The following SYNE2 variants were observed in gnomAD, a reference collection of about 807,000 sequenced individuals.
SYNE2 encodes the protein nesprin-2.
A neutral mutation model predicts 856.3 loss-of-function variants in SYNE2; 431 were observed. The ratio of observed to expected loss-of-function variants is 0.50; its 90% confidence interval spans 0.47 to 0.55. The LOEUF is 0.55. SYNE2 is among the 20% of genes least tolerant of loss of function. The probability of loss-of-function intolerance (pLI) is 0.00; values close to 1 mark genes in which losing one functional copy is unlikely to be tolerated. For synonymous variants in SYNE2, 2,923 were observed against 2,872.3 expected (o/e 1.02, Z -0.56); for missense variants, 8,129 against 8,023.2 (o/e 1.01, Z -0.50).
intron 1 of SYNE2, among the ~76,000 whole-genome samples, chr14:63,879,390 T>C (rs1383489683): frequency 1.3e-5 from 2 of 152,188 alleles, no homozygotes; most frequent in Admixed American, 6.5e-5. Flanking sequence ...GACTAAGGAC[T>C]CAGGCAGAGA....
chr14:63,940,138 C>T (rs931654046), intron 2 of SYNE2, among the ~76,000 whole-genome samples: 31 of 144,586 alleles, frequency 2.1e-4, no homozygotes, highest in South Asian at 2.0e-3. Context: ...AGTGCAGGGG[C>T]ATGATCACGA....
At chr14:63,765,450 T>A (rs1886637436) in intron 1 of SYNE2, among the ~76,000 whole-genome samples, 1 of 152,172 alleles carries the variant, frequency 6.6e-6, no homozygotes, top group South Asian at 2.1e-4. Flanking sequence ...CCTCCTGGGT[T>A]CACACCATTC....
intron 34 of SYNE2, among the ~76,000 whole-genome samples, chr14:64,019,010 C>T (rs938088536): frequency 6.6e-6 from 1 of 152,178 alleles, no homozygotes; most frequent in African/African-American, 2.4e-5. Context: ...GTGGCTGACA[C>T]CTGTAATCCC....
At chr14:64,008,437 C>T (rs571253869) in intron 31 of SYNE2, among the ~76,000 whole-genome samples, 7 of 152,212 alleles carry the variant, frequency 4.6e-5, no homozygotes, top group South Asian at 2.1e-4. Context: ...CTGTCAATAA[C>T]GGCTGCGTTT....
At chr14:63,788,303 G>C (rs991135890) in intron 1 of SYNE2, among the ~76,000 whole-genome samples, 4 of 152,182 alleles carry the variant, frequency 2.6e-5, no homozygotes, top group Admixed American at 6.5e-5. Context: ...CTGCACCTGG[G>C]AGGGCAGCTG....
In SYNE2 at chr14:64,123,031, G is replaced by A. The variant is rs976582700; in HGVS notation, c.13422+604G>A. ...GGAGAATTGCTTGAACCTGGGAGGCGGAGGTTATGGTGAGCTGAGATCGCG... is the reference window on the plus strand; with the variant it reads ...GGAGAATTGCTTGAACCTGGGAGGCAGAGGTTATGGTGAGCTGAGATCGCG... On this transcript the variant is annotated intron_variant, in intron 70 of 115. Coordinates refer to ENST00000555002, the MANE Select transcript of SYNE2 (RefSeq NM_182914.3). 4.0e-5 allele frequency among the ~76,000 whole-genome samples: 6 copies of A among 151,820 alleles called. 1 individual carries two copies. The East Asian group carries it at 5.8e-4, about 15-fold the overall frequency.
At chr14:64,046,384 G>A (rs1567145198) in intron 45 of SYNE2, among the ~76,000 whole-genome samples, 1 of 152,132 alleles carries the variant, frequency 6.6e-6, no homozygotes, top group East Asian at 1.9e-4. Context: ...TTTTGAGCAG[G>A]GTCTGTCACC....
Position 64,221,693 on chromosome 14 carries a change from A to G in SYNE2, c.20179A>G (p.Arg6727Gly). ...CCCCCGGGCTCTCCTAGAGTGTCGGAGGGAACTAATGGTAAGTTTCCTCCC... is the reference window on the plus strand; with the variant it reads ...CCCCCGGGCTCTCCTAGAGTGTCGGGGGGAACTAATGGTAAGTTTCCTCCC... ...ADPRALLECRRELMQLEKELV... is the reference protein window; with the variant it reads ...ADPRALLECRGELMQLEKELV... The change falls in exon 112 of 116, where the codon AGG becomes GGG. Residue 6727 changes from arginine (R) to glycine (G), a missense_variant. Around this residue, in one of 3 missense-constraint regions of SYNE2, gnomAD observed 5,410 missense variants for 5,284.8 expected, o/e 1.02. Coordinates refer to ENST00000555002, the MANE Select transcript of SYNE2 (RefSeq NM_182914.3). The G allele has an allele frequency of 1.2e-6, 2 of 1,614,078 alleles. No homozygotes were observed. The highest frequency in any genetic ancestry group is 1.3e-5 in the African/African-American group (1 of 75,032).
intron 74 of SYNE2, 123 bp from the exon 75 acceptor site, chr14:64,129,659 G>A (rs536881995): frequency 1.3e-3 from 1,827 of 1,391,676 alleles, no homozygotes; most frequent in Non-Finnish European, 1.7e-3. Context: ...GTGAGGGAGC[G>A]GGAGCTGGGA....
rs769264459 is a variant in SYNE2, at chr14:64,027,656, C to A, written c.6577C>A (p.Gln2193Lys). The change falls in exon 43 of 116, where the codon CAA becomes AAA. Residue 2193 changes from glutamine (Q) to lysine (K), a missense_variant. This residue lies in a region of SYNE2 where 297 missense variants were observed against 380.9 expected (regional missense o/e 0.78). Transcript: ENST00000555002. ...TTATAAGAAATTCCTCAAGAAAGCC[C>A]AAGATTTGACATCCTTGCTAAAGGA... is the stretch of plus-strand genomic sequence containing the variant. The part of the protein sequence containing the change: ...KIYKKFLKKA[Q>K]DLTSLLKELK... 1.2e-6 allele frequency: 2 copies of A among 1,614,002 alleles called. No homozygotes were observed.
intron 1 of SYNE2, among the ~76,000 whole-genome samples, chr14:63,811,266 T>C (rs1025905923): frequency 2.0e-5 from 3 of 151,620 alleles, no homozygotes; most frequent in African/African-American, 7.3e-5. Flanking sequence ...ATTATTATTA[T>C]TTTTTTTGAT....
At chr14:64,193,895 G>A (rs1432096411) in intron 99 of SYNE2, among the ~76,000 whole-genome samples, 1 of 152,174 alleles carries the variant, frequency 6.6e-6, no homozygotes, top group African/African-American at 2.4e-5. Flanking sequence ...TTACGGAGAG[G>A]GAAACTGCAG....
At chr14:64,114,307 GA>G (rs1353762239) in intron 66 of SYNE2, among the ~76,000 whole-genome samples, 4 of 152,138 alleles carry the variant, frequency 2.6e-5, no homozygotes, top group African/African-American at 7.2e-5. Context: ...AGTGTCACAA[GA>G]GCAGGGGCAC....
At chr14:64,224,346 CT>C in intron 113 of SYNE2, 114 bp from the exon 114 acceptor site, 1 of 1,045,582 alleles carries the variant, frequency 9.6e-7, no homozygotes, top group Non-Finnish European at 1.5e-6. Flanking sequence ...GTGAGACTGT[CT>C]AAAACAAAAC....
At chr14:63,950,283 A>G (rs368007098) in intron 7 of SYNE2, among the ~76,000 whole-genome samples, 32 of 152,090 alleles carry the variant, frequency 2.1e-4, no homozygotes, top group African/African-American at 5.8e-4. Flanking sequence ...GCCAGGCAAG[A>G]TGGCTCACTC....
At chr14:63,913,256 A>G (rs1219004323) in intron 2 of SYNE2, among the ~76,000 whole-genome samples, 1 of 151,712 alleles carries the variant, frequency 6.6e-6, no homozygotes, top group Non-Finnish European at 1.5e-5. Context: ...CTTTATGGGT[A>G]GATATTTATG....
At chr14:63,866,683 A>G (rs866638375) in intron 1 of SYNE2, among the ~76,000 whole-genome samples, 72 of 152,218 alleles carry the variant, frequency 4.7e-4, no homozygotes, top group Admixed American at 3.0e-3. Flanking sequence ...AAACAGCAAT[A>G]AGAATCACTG....
chr14:64,120,936 A>G lies in SYNE2; in HGVS notation c.13033A>G (p.Ile4345Val), dbSNP rs1022434476. The G allele has an allele frequency of 6.2e-7, 1 of 1,614,160 alleles. No homozygotes were observed. The highest frequency in any genetic ancestry group is 1.7e-5 in the Admixed American group (1 of 60,016). Reference sequence around the variant, plus strand: ...ATGAAATGTTTTGCAGCATCCTACCATTCTAAAGAAATCCTCAGAGCCAGA... The same window carrying G: ...ATGAAATGTTTTGCAGCATCCTACCGTTCTAAAGAAATCCTCAGAGCCAGA... ...EKHSEDQHPT[I>V]LKKSSEPEHQ... The change falls in exon 68 of 116, where the codon ATT becomes GTT. Residue 4345 changes from isoleucine (I) to valine (V), a missense_variant. Around this residue, in one of 3 missense-constraint regions of SYNE2, gnomAD observed 5,410 missense variants for 5,284.8 expected, o/e 1.02. Coordinates refer to ENST00000555002, the MANE Select transcript of SYNE2 (RefSeq NM_182914.3).
chr14:63,865,898 T>C lies in SYNE2; in HGVS notation c.-52+12755T>C, dbSNP rs116833662. The stretch of plus-strand genomic sequence containing the variant: ...TTCTAGCTCATTAAAAAAGGATTTA[T>C]GGATCTTCTTGGAAGATAACACTTC... On this transcript the variant is annotated intron_variant, in intron 1 of 115. Transcript: ENST00000555002. Among the ~76,000 whole-genome samples the C allele has an allele frequency of 5.2e-3, 786 of 152,234 alleles. 4 individuals carry two copies. The highest frequency in any genetic ancestry group is 0.017 in the African/African-American group (717 of 41,540).
Sources: allele counts gnomAD v4.1 joint callset (sites outside exome capture counted in the v4.1 genomes callset), GRCh38; gene constraint gnomAD v4.1.1; regional missense constraint gnomAD v4.1.1; transcripts MANE v1.5; gene names NCBI Gene and HGNC (gene_info 2026-07-23, HGNC 2026-07-21).